Variants in CDH12 observed in about 807,000 individuals in gnomAD.
The protein encoded by CDH12 is cadherin 12, also known as cadherin-12.
Under a neutral mutation model 74.1 loss-of-function variants are expected in CDH12, and 41 were observed. The observed-to-expected ratio is 0.55, with a 90% CI of 0.43 to 0.72. The LOEUF (loss-of-function observed/expected upper bound fraction) is 0.72. Ranked by LOEUF, CDH12 falls within the 30% of genes least tolerant of loss-of-function variation. The probability of loss-of-function intolerance (pLI) is 0.00; values close to 1 mark genes in which losing one functional copy is unlikely to be tolerated. For synonymous variants in CDH12, 399 were observed against 355.0 expected (o/e 1.12, Z -1.39); for missense variants, 945 against 977.2 (o/e 0.97, Z 0.44).
chr5:22,183,951 T>A (rs1749790047), intron 4 of CDH12, among the ~76,000 whole-genome samples: 1 of 152,096 alleles, frequency 6.6e-6, no homozygotes, highest in African/African-American at 2.4e-5. Flanking sequence ...ATTAATGGCC[T>A]ATTTTTATTT....
chr5:21,946,976 C>T (rs531875717), intron 6 of CDH12, among the ~76,000 whole-genome samples: 18 of 152,264 alleles, frequency 1.2e-4, no homozygotes, highest in African/African-American at 4.1e-4. Context: ...ATGCTGTTCT[C>T]ATGATAGTGA....
At chr5:22,735,565 T>C (rs1744649949) in intron 1 of CDH12, among the ~76,000 whole-genome samples, 2 of 151,950 alleles carry the variant, frequency 1.3e-5, no homozygotes, top group Admixed American at 6.6e-5. Flanking sequence ...CAAGTTTTAG[T>C]TCCTAAAGTA....
At chr5:22,584,081 A>AATTTATTTATTTATTT (rs3047309) in intron 1 of CDH12, among the ~76,000 whole-genome samples, 8,753 of 147,434 alleles carry the variant, frequency 0.059, 389 homozygotes, top group Admixed American at 0.14. Context: ...TTGTTTGCGG[A>AATTTATTTATTTATTT]ATTTATTTAT....
chr5:21,887,468 G>C (rs939579548), intron 6 of CDH12, among the ~76,000 whole-genome samples: 1 of 152,150 alleles, frequency 6.6e-6, no homozygotes, highest in Non-Finnish European at 1.5e-5. Flanking sequence ...TGAATAGACA[G>C]ATCTTCCTCC....
chr5:21,832,596 G>C (rs905334869), intron 8 of CDH12, among the ~76,000 whole-genome samples: 1 of 150,872 alleles, frequency 6.6e-6, no homozygotes, highest in Admixed American at 6.7e-5. Flanking sequence ...AAAATGAATA[G>C]ATTTTAATAT....
intron 1 of CDH12, among the ~76,000 whole-genome samples, chr5:22,821,603 C>G (rs1232259703): frequency 6.6e-6 from 1 of 151,854 alleles, no homozygotes; most frequent in African/African-American, 2.4e-5. Context: ...AGACAGAGAG[C>G]CAAATCATGA....
chr5:22,128,991 T>G (rs1746031829), intron 4 of CDH12, among the ~76,000 whole-genome samples: 1 of 152,212 alleles, frequency 6.6e-6, no homozygotes, highest in Admixed American at 6.5e-5. Flanking sequence ...GATAGTAACT[T>G]GTGCATAAAT....
chr5:21,934,953 A>T (rs1755011064), intron 6 of CDH12, among the ~76,000 whole-genome samples: 1 of 151,968 alleles, frequency 6.6e-6, no homozygotes, highest in East Asian at 1.9e-4. Context: ...CGCCCGGCTA[A>T]TTTTTTGTTT....
intron 3 of CDH12, among the ~76,000 whole-genome samples, chr5:22,285,644 A>G (rs939203365): frequency 6.6e-6 from 1 of 152,148 alleles, no homozygotes; most frequent in Admixed American, 6.6e-5. Context: ...TACAAACCCT[A>G]TATCTAACTA....
At chr5:22,541,103 C>T (rs1738079020) in intron 1 of CDH12, among the ~76,000 whole-genome samples, 1 of 152,122 alleles carries the variant, frequency 6.6e-6, no homozygotes, top group South Asian at 2.1e-4. Context: ...CTAGTAAGTT[C>T]TATGTAAGAG....
chr5:22,265,243 A>G (rs544718709), intron 3 of CDH12, among the ~76,000 whole-genome samples: 1 of 152,326 alleles, frequency 6.6e-6, no homozygotes, highest in South Asian at 2.1e-4. Context: ...TATTTGTGGA[A>G]AAAAATTGGA....
chr5:22,129,913 A>C (rs916893981), intron 4 of CDH12, among the ~76,000 whole-genome samples: 1 of 152,142 alleles, frequency 6.6e-6, no homozygotes. Flanking sequence ...CACATGAAAA[A>C]CACATTAAAA....
Position 22,567,455 on chromosome 5 carries a change from T to C in CDH12, c.-522-62091A>G, listed in dbSNP as rs184109481. ...TCAATGTCAGGGTATAAGAAACTTA[T>C]TACATTGAATCAGTACTTTCCAGTT... On this transcript the variant is annotated intron_variant, in intron 1 of 14. Coordinates refer to ENST00000382254, the MANE Select transcript of CDH12 (RefSeq NM_004061.5). 3.0e-4 allele frequency among the ~76,000 whole-genome samples: 45 copies of C among 152,344 alleles called. No homozygotes were observed. The East Asian group carries it at 3.1e-3, about 10-fold the overall frequency.
At chr5:22,307,041 C>T (rs1354588978) in intron 3 of CDH12, among the ~76,000 whole-genome samples, 1 of 152,046 alleles carries the variant, frequency 6.6e-6, no homozygotes, top group Non-Finnish European at 1.5e-5. Context: ...ATCTAGCATC[C>T]CTGATTATAG....
chr5:22,105,624 G>A (rs971085634), intron 4 of CDH12, among the ~76,000 whole-genome samples: 2 of 151,650 alleles, frequency 1.3e-5, no homozygotes, highest in African/African-American at 4.8e-5. Flanking sequence ...CTTGAACCCA[G>A]GAGGCAGAGG....
intron 1 of CDH12, among the ~76,000 whole-genome samples, chr5:22,556,435 C>A (rs1356770448): frequency 6.6e-6 from 1 of 151,984 alleles, no homozygotes; most frequent in African/African-American, 2.4e-5. Context: ...ACTTCAGGCA[C>A]AAATGAAAAT....
chr5:22,844,744 T>C (rs1357622888), intron 1 of CDH12, among the ~76,000 whole-genome samples: 4 of 152,086 alleles, frequency 2.6e-5, no homozygotes, highest in Non-Finnish European at 4.4e-5. Context: ...TTAAATCCAT[T>C]AGAGAGAATG....
intron 11 of CDH12, among the ~76,000 whole-genome samples, chr5:21,766,809 G>A (rs1415830668): frequency 6.6e-6 from 1 of 151,838 alleles, no homozygotes; most frequent in South Asian, 2.1e-4. Flanking sequence ...AATATTCAAA[G>A]CCACATTACA....
intron 1 of CDH12, among the ~76,000 whole-genome samples, chr5:22,761,446 C>T (rs1050612673): frequency 3.3e-5 from 5 of 152,092 alleles, no homozygotes; most frequent in Admixed American, 2.6e-4. Context: ...GGTGTGCCCC[C>T]CAGGAGTTTT....
Sources: allele counts gnomAD v4.1 joint callset (sites outside exome capture counted in the v4.1 genomes callset), GRCh38; gene constraint gnomAD v4.1.1; transcripts MANE v1.5; gene names NCBI Gene and HGNC (gene_info 2026-07-23, HGNC 2026-07-21).